The following CDK13 variants were observed in gnomAD, a reference collection of about 807,000 sequenced individuals.
CDK13 encodes the protein cyclin-dependent kinase 13.
In CDK13, 40 loss-of-function variants were observed where a neutral mutation model predicts 137.6. That is an observed-to-expected ratio of 0.29 (90% confidence interval 0.23 to 0.38). CDK13 has a LOEUF of 0.38. Among genes scored for constraint, CDK13 ranks in the 10% least tolerant of loss-of-function variants. The pLI is 1.00. For synonymous variants in CDK13, 869 were observed against 760.1 expected (o/e 1.14, Z -2.36); for missense variants, 1,704 against 1,951.8 (o/e 0.87, Z 2.39).
intron 1 of CDK13, among the ~76,000 whole-genome samples, chr7:39,971,140 A>G (rs1783989842): frequency 1.3e-5 from 2 of 152,180 alleles, no homozygotes; most frequent in South Asian, 4.1e-4. Context: ...CTTTTTAAAT[A>G]TTTGTGGTTC....
chr7:40,045,921 C>T lies in CDK13; in HGVS notation c.2439C>T (p.His813=). 6.2e-7 allele frequency: 1 copy of T among 1,612,762 alleles called. No individual in the cohort carries two copies. The highest frequency in any genetic ancestry group is 1.1e-5 in the South Asian group (1 of 91,048). The change falls in exon 6 of 14, where the codon CAC becomes CAT. Residue 813 remains histidine, a synonymous_variant. Coordinates refer to ENST00000181839, the MANE Select transcript of CDK13 (RefSeq NM_003718.5). ...ESGLVHFNEN[H]IKSFMRQLME... is the part of the protein sequence containing the mutation. ...GCTTGGTTCATTTTAATGAAAATCA[C>T]ATAAAGTCATTTATGAGACAGCTCA...
At chr7:40,056,504 C>A (rs1192468865) in intron 7 of CDK13, among the ~76,000 whole-genome samples, 1 of 152,120 alleles carries the variant, frequency 6.6e-6, no homozygotes, top group African/African-American at 2.4e-5. Flanking sequence ...GGAACAAAAA[C>A]CAAATGATAA....
chr7:40,002,885 C>T (rs1207463565), intron 5 of CDK13, among the ~76,000 whole-genome samples: 7 of 139,884 alleles, frequency 5.0e-5, no homozygotes, highest in African/African-American at 1.4e-4. Flanking sequence ...GGTAACATAA[C>T]GAGAGCCCAT....
chr7:40,025,018 A>T (rs578057558), intron 5 of CDK13, among the ~76,000 whole-genome samples: 2 of 152,242 alleles, frequency 1.3e-5, no homozygotes, highest in South Asian at 2.1e-4. Flanking sequence ...TTATGAAAAC[A>T]TTCCCAGATC....
At chr7:40,091,938 T>C (rs997259854) in intron 12 of CDK13, among the ~76,000 whole-genome samples, 1 of 152,218 alleles carries the variant, frequency 6.6e-6, no homozygotes, top group Non-Finnish European at 1.5e-5. Context: ...TGTCGTTATA[T>C]GTGATTCAGA....
At chr7:39,951,944 CTCA>C in intron 1 of CDK13, 92 bp downstream of exon 1, 1 of 1,243,650 alleles carries the variant, frequency 8.0e-7, no homozygotes, top group Non-Finnish European at 1.0e-6. Flanking sequence ...CTCAGAACGA[CTCA>C]GGTCCACCAC....
At chr7:39,973,338 G>A (rs547832488) in intron 1 of CDK13, among the ~76,000 whole-genome samples, 28 of 152,084 alleles carry the variant, frequency 1.8e-4, no homozygotes, top group African/African-American at 5.5e-4. Flanking sequence ...AGGTTTTGCC[G>A]TGCTGCCCAG....
chr7:40,034,308 G>A (rs1229861334), intron 5 of CDK13, among the ~76,000 whole-genome samples: 1 of 152,198 alleles, frequency 6.6e-6, no homozygotes, highest in Non-Finnish European at 1.5e-5. Flanking sequence ...TTTGGGGGCA[G>A]TGGTTTGCCC....
intron 5 of CDK13, among the ~76,000 whole-genome samples, chr7:40,004,118 C>G (rs1250640104): frequency 6.6e-6 from 1 of 152,050 alleles, no homozygotes; most frequent in Non-Finnish European, 1.5e-5. Flanking sequence ...TATATGAGCT[C>G]TATTTTTTTT....
intron 5 of CDK13, among the ~76,000 whole-genome samples, chr7:40,022,164 C>T (rs527558844): frequency 6.6e-6 from 1 of 152,252 alleles, no homozygotes; most frequent in Admixed American, 6.5e-5. Flanking sequence ...TTTCTTAGGG[C>T]CTCTTTTTGG....
Position 40,047,805 on chromosome 7 carries a change from G to T in CDK13, c.2544-16G>T. On this transcript the variant is annotated splice_polypyrimidine_tract_variant and intron_variant, in intron 6 of 13. Transcript: ENST00000181839. The stretch of plus-strand genomic sequence containing the variant: ...TAAATTAATACCTTTTGTTCATTTT[G>T]TCTTATTTCCACCAGAGGGCAGATA... The T allele has an allele frequency of 2.5e-6, 4 of 1,582,904 alleles. No homozygotes were observed. Among genetic ancestry groups the T allele is most frequent in the Non-Finnish European group, 3.5e-6 (4 of 1,153,220 alleles).
At chr7:40,049,179 C>CGA (rs1554334189) in intron 7 of CDK13, 1 of 51,324 alleles carries the variant, frequency 1.9e-5, no homozygotes, top group Non-Finnish European at 3.4e-5. Context: ...AGACTGTCTC[C>CGA]AAAAAAAAAA....
At chr7:40,092,728 G>A in intron 12 of CDK13, 57 bp from the exon 13 acceptor site, 1 of 1,271,378 alleles carries the variant, frequency 7.9e-7, no homozygotes, top group South Asian at 1.3e-5. Context: ...ATTTTGGTGT[G>A]GGAGTGGGAG....
chr7:39,970,893 C>T (rs1420497897), intron 1 of CDK13, among the ~76,000 whole-genome samples: 1 of 152,180 alleles, frequency 6.6e-6, no homozygotes, highest in Non-Finnish European at 1.5e-5. Flanking sequence ...TTTACAGATC[C>T]AACTTTCCAT....
chr7:39,999,435 A>T lies in CDK13; in HGVS notation c.2117A>T (p.Asp706Val). 1 of 1,613,448 alleles carries T rather than the reference A, an allele frequency of 6.2e-7. No homozygotes were observed. The highest frequency in any genetic ancestry group is 1.1e-5 in the South Asian group (1 of 91,022). Residue 706 changes from aspartate (D) to valine (V), a missense_variant, in exon 4 of 14, where the codon GAT (aspartate) becomes GTT (valine). Asp to Val is a radical substitution (Grantham distance 152). Around this residue, in one of 5 missense-constraint regions of CDK13, gnomAD observed 130 missense variants for 362.4 expected, o/e 0.36. Transcript: ENST00000181839. ...GGAAAACGCTGCGTGGATAAATTTG[A>T]TATCATCGGAATTATTGGAGAAGGT... The part of the protein sequence containing the change: ...DWGKRCVDKF[D>V]IIGIIGEGTY...
intron 9 of CDK13, chr7:40,071,058 T>G (rs1290814936): frequency 1.3e-5 from 2 of 152,242 alleles, no homozygotes; most frequent in East Asian, 3.9e-4. Flanking sequence ...TTTTAAACTT[T>G]AAAGGAATTA....
intron 1 of CDK13, among the ~76,000 whole-genome samples, chr7:39,979,264 T>A (rs1055441188): frequency 6.7e-6 from 1 of 149,714 alleles, no homozygotes; most frequent in African/African-American, 2.5e-5. Flanking sequence ...TTGCCCAGGC[T>A]GGAGTGCAAT....
At chr7:40,094,018 A>G (rs1006605962) in intron 13 of CDK13, 112 bp from the exon 14 acceptor site, 1 of 1,274,216 alleles carries the variant, frequency 7.8e-7, no homozygotes. Context: ...ACATTTTGCC[A>G]GAGATGGAAC....
chr7:40,002,152 CTA>C (rs1583973223), intron 5 of CDK13, 121 bp downstream of exon 5: 1 of 614,136 alleles, frequency 1.6e-6, no homozygotes, highest in Non-Finnish European at 2.7e-6. Flanking sequence ...AATCGTGAAA[CTA>C]TATTTTTAAG....
Sources: allele counts gnomAD v4.1 joint callset (sites outside exome capture counted in the v4.1 genomes callset), GRCh38; gene constraint gnomAD v4.1.1; regional missense constraint gnomAD v4.1.1; transcripts MANE v1.5; gene names NCBI Gene and HGNC (gene_info 2026-07-23, HGNC 2026-07-21).